The following FAM162B variants were observed in gnomAD, a reference collection of about 807,000 sequenced individuals.
FAM162B encodes the protein protein FAM162B.
In FAM162B, 16 loss-of-function variants were observed where a neutral mutation model predicts 20.0. That is an observed-to-expected ratio of 0.80 (90% CI 0.54 to 1.21). The LOEUF (loss-of-function observed/expected upper bound fraction) is 1.21, where lower values mean the gene tolerates loss of function less well. Ranked by LOEUF, FAM162B falls within the 50% of genes most tolerant of loss-of-function variation. The pLI is 0.00. For missense variants in FAM162B, 260 were observed against 227.5 expected, an observed-to-expected ratio of 1.14 and a Z score of -0.92; for synonymous variants, 83 against 89.7, an observed-to-expected ratio of 0.93 and a Z score of 0.42.
intron 3 of FAM162B, among the ~76,000 whole-genome samples, chr6:116,760,211 CAG>C (rs1780124668): frequency 1.3e-5 from 2 of 152,250 alleles, no homozygotes; most frequent in African/African-American, 2.4e-5. Context: ...GAAGAGGAAA[CAG>C]AGCAATAACT....
At chr6:116,754,635 T>A (rs1224916998) in intron 3 of FAM162B, among the ~76,000 whole-genome samples, 1 of 152,174 alleles carries the variant, frequency 6.6e-6, no homozygotes, top group African/African-American at 2.4e-5. Context: ...CAGAAGAATA[T>A]AAAGGCACAT....
At chr6:116,752,845 T>C (rs1041277083) in intron 3 of FAM162B, 150 bp from the exon 4 acceptor site, 1 of 213,910 alleles carries the variant, frequency 4.7e-6, no homozygotes, top group African/African-American at 2.4e-5. Context: ...GGAATAGAAT[T>C]AGAAGTTCTA....
chr6:116,752,887 CTGAA>C (rs1780009240), intron 3 of FAM162B, among the ~76,000 whole-genome samples, 192 bp from the exon 4 acceptor site: 1 of 151,520 alleles, frequency 6.6e-6, no homozygotes, highest in Non-Finnish European at 1.5e-5. Flanking sequence ...AGAGAACAGA[CTGAA>C]TGGGTAAAGA....
chr6:116,754,704 T>G (rs761938852), intron 3 of FAM162B, among the ~76,000 whole-genome samples: 1 of 152,176 alleles, frequency 6.6e-6, no homozygotes, highest in Non-Finnish European at 1.5e-5. Context: ...CTTCTTTTTT[T>G]GTTTTTTTCA....
At chr6:116,755,958 G>C (rs1231284227) in intron 3 of FAM162B, among the ~76,000 whole-genome samples, 1 of 152,060 alleles carries the variant, frequency 6.6e-6, no homozygotes, top group Non-Finnish European at 1.5e-5. Flanking sequence ...CAATGCACCT[G>C]GTCACTCAAA....
At position 116,765,336 on chromosome 6, in the gene FAM162B, G is replaced by C. The variant is rs551843150; in HGVS notation, c.172+69C>G. 3.2e-6 allele frequency: 5 copies of C among 1,545,924 alleles called. No homozygotes were observed. The African/African-American group carries it at 4.1e-5, about 13-fold the overall frequency. ...CAGCGCGCCCTCAAGCCGACTCCCG[G>C]GCCGGCCCCTCGCTGCCCTCCCGCA... On this transcript the variant is annotated intron_variant, in intron 1 of 3. Coordinates refer to ENST00000368557, the MANE Select transcript of FAM162B (RefSeq NM_001085480.3).
In FAM162B at chr6:116,752,666, A is replaced by G; in HGVS notation, c.420T>C (p.Ser140=). The change falls in exon 4 of 4, where the codon AGT becomes AGC. Residue 140 remains serine, a synonymous_variant. Coordinates refer to ENST00000368557, the MANE Select transcript of FAM162B (RefSeq NM_001085480.3). ...ACTTAGCTTTCTTTGCCAAGTTCCAACTTGTTAAGGATTCATGTCGTTCTA... is the reference window on the plus strand; with the variant it reads ...ACTTAGCTTTCTTTGCCAAGTTCCAGCTTGTTAAGGATTCATGTCGTTCTA... The part of the protein sequence containing the change: ...RAVERHESLT[S]WNLAKKAKWR... 1 of 1,584,798 alleles carries G rather than the reference A, an allele frequency of 6.3e-7. No homozygotes were observed. The highest frequency in any genetic ancestry group is 8.6e-7 in the Non-Finnish European group (1 of 1,164,146).
At chr6:116,760,595 T>C (rs1780129265) in intron 3 of FAM162B, among the ~76,000 whole-genome samples, 1 of 152,162 alleles carries the variant, frequency 6.6e-6, no homozygotes, top group South Asian at 2.1e-4. Flanking sequence ...AATACACTAA[T>C]CATCAAAATA....
At chr6:116,759,514 A>G (rs921226080) in intron 3 of FAM162B, among the ~76,000 whole-genome samples, 1 of 151,378 alleles carries the variant, frequency 6.6e-6, no homozygotes, top group Admixed American at 6.6e-5. Flanking sequence ...TCACCGTGTT[A>G]GCCAGGATGA....
intron 3 of FAM162B, among the ~76,000 whole-genome samples, chr6:116,755,660 G>A (rs895350518): frequency 2.0e-5 from 3 of 152,172 alleles, no homozygotes; most frequent in Non-Finnish European, 4.4e-5. Flanking sequence ...TTCAGAGATA[G>A]AGAGAAGTCA....
intron 3 of FAM162B, among the ~76,000 whole-genome samples, chr6:116,756,662 T>A (rs991090061): frequency 6.6e-6 from 1 of 152,180 alleles, no homozygotes; most frequent in East Asian, 1.9e-4. Flanking sequence ...TCAACTGATA[T>A]GGCAAACTTC....
At position 116,765,508 on chromosome 6, in the gene FAM162B, C is replaced by G; in HGVS notation, c.69G>C (p.Ala23=). ...RGLTVRCGPG[A]PLEATRRPAP... ...CGGGCCGTCGCGTGGCCTCGAGAGG[C>G]GCCCCGGGGCCGCAGCGGACTGTTA... Residue 23 remains alanine (A), a synonymous_variant, in exon 1 of 4, where the codon GCG becomes GCC. Transcript: ENST00000368557. 1 of 1,398,286 alleles carries G rather than the reference C, an allele frequency of 7.2e-7. No homozygotes were observed. Among genetic ancestry groups the G allele is most frequent in the Non-Finnish European group, 9.2e-7 (1 of 1,083,264 alleles). 86.6% of individuals were successfully genotyped at this position (1,398,286 alleles called of 1,614,324 possible). A position where few individuals can be genotyped will look rare whatever the true frequency, so the allele number is the denominator to read the frequency against.
rs1779999989 is a variant in FAM162B, at chr6:116,752,300, A to C, written c.*297T>G. 6.4e-6 allele frequency: 1 copy of C among 157,452 alleles called. No individual in the cohort carries two copies. The highest frequency in any genetic ancestry group is 1.4e-5 in the Non-Finnish European group (1 of 71,660). 9.8% of individuals were successfully genotyped at this position (157,452 alleles called of 1,614,324 possible). A position where few individuals can be genotyped will look rare whatever the true frequency, so the allele number is the denominator to read the frequency against. On this transcript the variant is annotated 3_prime_UTR_variant, in exon 4 of 4. Transcript: ENST00000368557. ...TGTTTGGGAGGTAATGGCTGAGAAA[A>C]GGCAGGAATGAGGCTGTGAAGTGTT...
intron 3 of FAM162B, among the ~76,000 whole-genome samples, chr6:116,754,028 T>G (rs1044852723): frequency 4.6e-5 from 7 of 152,224 alleles, no homozygotes; most frequent in Non-Finnish European, 5.9e-5. Flanking sequence ...CTAGTTTGCA[T>G]TCTCCAACAA....
rs561352364 is a variant in FAM162B, at chr6:116,759,445, C to T, written c.390+2532G>A. On this transcript the variant is annotated intron_variant, in intron 3 of 3. Transcript: ENST00000368557. ...CCTCCCGAGTAGCTGGGACTGCAGG[C>T]GCCCGCCACCACGCCTGGCTAATTT... Among the ~76,000 whole-genome samples the T allele has an allele frequency of 3.9e-3, 589 of 151,422 alleles. 4 individuals are homozygous for T. The highest frequency in any genetic ancestry group is 0.013 in the African/African-American group (555 of 41,350).
intron 2 of FAM162B, among the ~76,000 whole-genome samples, chr6:116,764,912 CCT>C (rs1352717204): frequency 6.6e-6 from 1 of 152,166 alleles, no homozygotes; most frequent in African/African-American, 2.4e-5. Flanking sequence ...GTCCCCTGAA[CCT>C]CTCAGTTTTC....
At chr6:116,754,620 T>C (rs552982297) in intron 3 of FAM162B, among the ~76,000 whole-genome samples, 2 of 152,322 alleles carry the variant, frequency 1.3e-5, no homozygotes, top group East Asian at 3.9e-4. Flanking sequence ...GACAGTTCTA[T>C]AATACAGAAG....
At chr6:116,759,664 GT>G (rs367782661) in intron 3 of FAM162B, among the ~76,000 whole-genome samples, 16 of 151,942 alleles carry the variant, frequency 1.1e-4, no homozygotes, top group African/African-American at 2.9e-4. Context: ...TTTAAATCTT[GT>G]CACTATCTTG....
At chr6:116,758,285 G>T (rs1780076104) in intron 3 of FAM162B, among the ~76,000 whole-genome samples, 3 of 152,304 alleles carry the variant, frequency 2.0e-5, no homozygotes, top group Non-Finnish European at 2.9e-5. Context: ...CAATGGGGAG[G>T]ACTGTGGAGG....
Sources: gnomAD v4.1 joint callset for allele counts (sites outside exome capture counted in the v4.1 genomes callset) on GRCh38, gnomAD v4.1.1 for gene constraint, MANE v1.5 for transcripts, NCBI Gene and HGNC (gene_info 2026-07-23, HGNC 2026-07-21) for gene names.